Variants in DRAXIN observed in about 807,000 individuals in gnomAD.
The protein encoded by DRAXIN is dorsal inhibitory axon guidance protein.
Under a neutral mutation model 33.9 loss-of-function variants are expected in DRAXIN, and 27 were observed. The observed-to-expected ratio is 0.80, with a 90% CI of 0.59 to 1.10. The LOEUF (loss-of-function observed/expected upper bound fraction) is 1.10. Ranked by LOEUF, DRAXIN falls within the 50% of genes least tolerant of loss-of-function variation. DRAXIN has a pLI of 0.00. For synonymous variants in DRAXIN, 178 were observed against 194.0 expected (o/e 0.92, Z 0.69); for missense variants, 371 against 460.8 (o/e 0.81, Z 1.78).
chr1:11,693,075 C>T (rs971982014), intron 1 of DRAXIN, among the ~76,000 whole-genome samples: 1 of 152,076 alleles, frequency 6.6e-6, no homozygotes, highest in Non-Finnish European at 1.5e-5. Context: ...CCTCTTCCCC[C>T]ATCACACTTC....
chr1:11,719,451 C>T (rs977940047), intron 6 of DRAXIN, 133 bp from the exon 7 acceptor site: 10 of 727,490 alleles, frequency 1.4e-5, no homozygotes, highest in Non-Finnish European at 2.3e-5. Flanking sequence ...ATTGGGGCTG[C>T]CGTGAGGAAG....
At chr1:11,697,076 A>G (rs1236167051) in intron 1 of DRAXIN, among the ~76,000 whole-genome samples, 2 of 151,634 alleles carry the variant, frequency 1.3e-5, no homozygotes, top group Admixed American at 6.6e-5. Context: ...TTACTCCCCA[A>G]TCCTCATGAC....
rs1395419398 is a variant in DRAXIN, at chr1:11,706,472, C to G, written c.214C>G (p.Pro72Ala). 1 of 1,610,592 alleles carries G rather than the reference C, an allele frequency of 6.2e-7. No homozygotes were observed. Among genetic ancestry groups the G allele is most frequent in the Non-Finnish European group, 8.5e-7 (1 of 1,178,804 alleles). The change falls in exon 2 of 7, where the codon CCC becomes GCC. Residue 72 changes from proline (P) to alanine (A), a missense_variant. Transcript: ENST00000294485. This position sits in a 1 kb window ranked among gnomAD's most constrained non-coding sequence, Gnocchi z 5.5. ...PGKKEWGPGLPSQAQDGAVVT... is the reference protein window; with the variant it reads ...PGKKEWGPGLASQAQDGAVVT... ...CAAGAAGGAGTGGGGCCCAGGCCTG[C>G]CCAGCCAGGCCCAGGATGGGGCTGT...
chr1:11,719,845 T>TC lies in DRAXIN; in HGVS notation c.*150dup. ...CACTCAACCCCAGGAGGGGAGCCGCTCGGCGAATGAGCTGGGTGGGTGCCC... is the reference window on the plus strand; with the variant it reads ...CACTCAACCCCAGGAGGGGAGCCGCTCCGGCGAATGAGCTGGGTGGGTGCCC... On this transcript the variant is annotated 3_prime_UTR_variant, in exon 7 of 7. Transcript: ENST00000294485. 1 of 732,004 alleles carries TC rather than the reference T, an allele frequency of 1.4e-6. No individual in the cohort carries two copies. Among genetic ancestry groups the TC allele is most frequent in the South Asian group, 1.7e-5 (1 of 58,202 alleles). 45.3% of individuals were successfully genotyped at this position (732,004 alleles called of 1,614,324 possible).
chr1:11,689,559 G>A (rs1407555457), upstream of DRAXIN, among the ~76,000 whole-genome samples: 1 of 152,002 alleles, frequency 6.6e-6, no homozygotes, highest in African/African-American at 2.4e-5. Flanking sequence ...TTGTGCCACT[G>A]CACTCCAGCC....
chr1:11,706,363 G>A lies in DRAXIN; in HGVS notation c.105G>A (p.Arg35=), dbSNP rs1641380094. 1 of 1,613,786 alleles carries A rather than the reference G, an allele frequency of 6.2e-7. No homozygotes were observed. The change falls in exon 2 of 7, where the codon CGG becomes CGA. Residue 35 remains arginine (R), a synonymous_variant. Coordinates refer to ENST00000294485, the MANE Select transcript of DRAXIN (RefSeq NM_198545.4). The surrounding 1 kb of genome is among the most constrained non-coding windows in gnomAD (Gnocchi z 5.5). ...CCCTTGCACCTGGGACCCCTGCCCG[G>A]AACCTCCCTGAGAATCACATTGACC... is the stretch of plus-strand genomic sequence containing the variant. ...AGALAPGTPA[R]NLPENHIDLP... is the part of the protein sequence containing the mutation.
chr1:11,715,300 C>A, intron 6 of DRAXIN, 92 bp downstream of exon 6: 1 of 1,498,450 alleles, frequency 6.7e-7, no homozygotes, highest in Non-Finnish European at 9.2e-7. Context: ...GAGTGGGGAA[C>A]AAGCTTTCCT....
chr1:11,704,031 A>G lies in DRAXIN; in HGVS notation c.-10-2218A>G, dbSNP rs994328107. 2.0e-5 allele frequency among the ~76,000 whole-genome samples: 3 copies of G among 152,138 alleles called. No individual in the cohort carries two copies. The highest frequency in any genetic ancestry group is 2.9e-5 in the Non-Finnish European group (2 of 68,018). On this transcript the variant is annotated intron_variant, in intron 1 of 6. Transcript: ENST00000294485. The surrounding 1 kb of genome is among the most constrained non-coding windows in gnomAD (Gnocchi z 4.6). ...TCAGAGGCGGCTCTGAGGTTTACTG[A>G]CAGCCTTGTGTGTCCCCAGGGACAG...
In DRAXIN at chr1:11,719,832, G is replaced by T; in HGVS notation, c.*136G>T. 1 of 812,370 alleles carries T rather than the reference G, an allele frequency of 1.2e-6. No individual in the cohort carries two copies. Among genetic ancestry groups the T allele is most frequent in the African/African-American group, 1.7e-5 (1 of 58,552 alleles). 50.3% of individuals were successfully genotyped at this position (812,370 alleles called of 1,614,324 possible). A position where few individuals can be genotyped will look rare whatever the true frequency, so the allele number is the denominator to read the frequency against. ...CTCAGGCCCAGGACACTCAACCCCAGGAGGGGAGCCGCTCGGCGAATGAGC... is the reference window on the plus strand; with the variant it reads ...CTCAGGCCCAGGACACTCAACCCCATGAGGGGAGCCGCTCGGCGAATGAGC... On this transcript the variant is annotated 3_prime_UTR_variant, in exon 7 of 7. Transcript: ENST00000294485.
At position 11,696,389 on chromosome 1, in the gene DRAXIN, C is replaced by A. The variant is rs1334423579; in HGVS notation, c.-11+4536C>A. Among the ~76,000 whole-genome samples the A allele has an allele frequency of 1.3e-5, 2 of 152,126 alleles. No individual in the cohort carries two copies. Among genetic ancestry groups the A allele is most frequent in the African/African-American group, 4.8e-5 (2 of 41,420 alleles). On this transcript the variant is annotated intron_variant, in intron 1 of 6. Transcript: ENST00000294485. This position sits in a 1 kb window ranked among gnomAD's most constrained non-coding sequence, Gnocchi z 4.7. ...GATCATGAGGTCAGGAGTTCGAGAC[C>A]AGCCTGGCCAAGGTGGTAAAACCCC...
At chr1:11,707,125 C>A (rs1641396951) in intron 2 of DRAXIN, among the ~76,000 whole-genome samples, 1 of 152,160 alleles carries the variant, frequency 6.6e-6, no homozygotes, top group South Asian at 2.1e-4. Context: ...GGTGTGAACC[C>A]AGGAGGCGGA....
intron 2 of DRAXIN, among the ~76,000 whole-genome samples, chr1:11,708,366 C>G (rs940061556): frequency 2.6e-5 from 4 of 152,204 alleles, no homozygotes; most frequent in African/African-American, 9.7e-5. Flanking sequence ...AATCCCAGCA[C>G]TTTGGGAGGC....
chr1:11,710,820 G>A (rs533829095), intron 3 of DRAXIN, among the ~76,000 whole-genome samples: 54 of 148,050 alleles, frequency 3.6e-4, no homozygotes, highest in South Asian at 4.2e-4. Flanking sequence ...CTACTTGGGC[G>A]GCTGAAGCAG....
rs1432170984 is a variant in DRAXIN at position 11,724,069 on chromosome 1, T to C, written c.*4373T>C. The C allele has an allele frequency of 1.3e-5, 2 of 152,236 alleles. No individual in the cohort carries two copies. Among genetic ancestry groups the C allele is most frequent in the Non-Finnish European group, 2.9e-5 (2 of 68,038 alleles). The allele number at this position is 152,236 out of a possible 1,614,324, so 9.4% of individuals were successfully genotyped here. On this transcript the variant is annotated 3_prime_UTR_variant, in exon 7 of 7. Coordinates refer to ENST00000294485, the MANE Select transcript of DRAXIN (RefSeq NM_198545.4). Reference sequence around the variant, plus strand: ...ATTCAAGCTCCTTCCCCAAAGTGTGTTCCATAGAACACTGGGACCATGAGA... The same window carrying C: ...ATTCAAGCTCCTTCCCCAAAGTGTGCTCCATAGAACACTGGGACCATGAGA...
At chr1:11,703,652 G>C (rs115204524) in intron 1 of DRAXIN, among the ~76,000 whole-genome samples, 2,293 of 152,306 alleles carry the variant, frequency 0.015, 72 homozygotes, top group African/African-American at 0.052. Flanking sequence ...TGCTGGGTCT[G>C]GGGACAGGAT....
At chr1:11,717,603 A>C (rs1641596166) in intron 6 of DRAXIN, among the ~76,000 whole-genome samples, 1 of 146,628 alleles carries the variant, frequency 6.8e-6, no homozygotes, top group Non-Finnish European at 1.5e-5. Flanking sequence ...CGGAGGTTGC[A>C]GTGAGCTGAG....
Position 11,705,262 on chromosome 1 carries a change from G to C in DRAXIN, c.-10-987G>C, listed in dbSNP as rs1481686346. Among the ~76,000 whole-genome samples, 1 of 152,194 alleles carries C rather than the reference G, an allele frequency of 6.6e-6. No homozygotes were observed. The highest frequency in any genetic ancestry group is 1.9e-4 in the East Asian group (1 of 5,190). On this transcript the variant is annotated intron_variant, in intron 1 of 6. Coordinates refer to ENST00000294485, the MANE Select transcript of DRAXIN (RefSeq NM_198545.4). The surrounding 1 kb of genome is among the most constrained non-coding windows in gnomAD (Gnocchi z 4.8). ...GATACAGTGAGGTTGGTGCAATGGA[G>C]AGGGGTGCGTGGGGGAGCAGCTGCG...
chr1:11,689,129 C>T (rs1641014555), upstream of DRAXIN, among the ~76,000 whole-genome samples: 1 of 152,046 alleles, frequency 6.6e-6, no homozygotes, highest in Admixed American at 6.5e-5. Flanking sequence ...AACCCTGTCT[C>T]TACTAAAAAT....
At chr1:11,700,693 T>A (rs867330816) in intron 1 of DRAXIN, among the ~76,000 whole-genome samples, 10 of 152,328 alleles carry the variant, frequency 6.6e-5, no homozygotes, top group Middle Eastern at 3.4e-3. Context: ...GGAGGGAGGC[T>A]GATGGGCTCC....
Sources: allele counts gnomAD v4.1 joint callset (sites outside exome capture counted in the v4.1 genomes callset), GRCh38; gene constraint gnomAD v4.1.1; non-coding constraint Gnocchi (gnomAD v3.1); transcripts MANE v1.5; gene names NCBI Gene and HGNC (gene_info 2026-07-23, HGNC 2026-07-21).